The following VPS45 variants were observed in gnomAD, a reference collection of about 807,000 sequenced individuals.
VPS45 encodes vacuolar protein sorting-associated protein 45.
Under a neutral mutation model 75.9 loss-of-function variants are expected in VPS45, and 35 were observed. The observed-to-expected ratio is 0.46, with a 90% CI of 0.35 to 0.61. The LOEUF is 0.61. Ranked by LOEUF, VPS45 falls within the 20% of genes least tolerant of loss-of-function variation. The pLI, the probability that VPS45 is intolerant of heterozygous loss-of-function variation, is 0.00. For missense variants in VPS45, 559 were observed against 685.9 expected, an observed-to-expected ratio of 0.81 and a Z score of 2.07; for synonymous variants, 220 against 238.2, an observed-to-expected ratio of 0.92 and a Z score of 0.70.
At chr1:150,100,971 A>C (rs1306599933) in intron 13 of VPS45, among the ~76,000 whole-genome samples, 1 of 152,208 alleles carries the variant, frequency 6.6e-6, no homozygotes, top group Non-Finnish European at 1.5e-5. Context: ...TCTAATATCC[A>C]GCATCTATAA....
chr1:150,129,692 T>TG (rs1326241823), intron 14 of VPS45, among the ~76,000 whole-genome samples: 1 of 151,808 alleles, frequency 6.6e-6, no homozygotes, highest in African/African-American at 2.4e-5. Flanking sequence ...CCCGAGTAGC[T>TG]GGGACTACAC....
chr1:150,126,656 A>C (rs1553810817), intron 14 of VPS45, among the ~76,000 whole-genome samples: 1 of 152,184 alleles, frequency 6.6e-6, no homozygotes, highest in East Asian at 1.9e-4. Flanking sequence ...TCTATGAGTT[A>C]TAGCTCAATA....
At chr1:150,071,070 A>G (rs1655043710) in intron 2 of VPS45, among the ~76,000 whole-genome samples, 1 of 152,134 alleles carries the variant, frequency 6.6e-6, no homozygotes, top group African/African-American at 2.4e-5. Context: ...AATCTAAATT[A>G]CAATTTTTAA....
chr1:150,082,549 C>T (rs1655776833), intron 9 of VPS45, among the ~76,000 whole-genome samples, 167 bp from the exon 10 acceptor site: 1 of 150,582 alleles, frequency 6.6e-6, no homozygotes, highest in Admixed American at 6.6e-5. Flanking sequence ...CCAACATATA[C>T]CAGTTCTTCT....
In VPS45 at chr1:150,082,915, G is replaced by A. The variant is rs782764166; in HGVS notation, c.1104+32G>A. ...CCAATTTGATGAGCACCTACTATGT[G>A]TAAGGCACTGTGCCAGGCAGAGCAA... On this transcript the variant is annotated intron_variant, in intron 10 of 14. Transcript: ENST00000644510. 3.1e-6 allele frequency: 5 copies of A among 1,595,590 alleles called. No homozygotes were observed. The African/African-American group carries it at 4.0e-5, about 13-fold the overall frequency.
chr1:150,138,291 G>A lies in VPS45; in HGVS notation c.1626-6418G>A, dbSNP rs1431170323. Among the ~76,000 whole-genome samples, 14 of 152,084 alleles carry A rather than the reference G, an allele frequency of 9.2e-5. No individual in the cohort carries two copies. In the East Asian group the frequency reaches 1.2e-3, roughly 13 times the overall value. ...TTTTTTAAAAAAAAATAGAGATGAG[G>A]TATTGCTATGTTGCGCAGGCTGGTC... is the stretch of plus-strand genomic sequence containing the variant. On this transcript the variant is annotated intron_variant, in intron 14 of 14. Transcript: ENST00000644510.
At chr1:150,126,270 G>T (rs1553810698) in intron 14 of VPS45, among the ~76,000 whole-genome samples, 1 of 151,928 alleles carries the variant, frequency 6.6e-6, no homozygotes, top group Non-Finnish European at 1.5e-5. Context: ...GAGTGCAGTG[G>T]TGCCATCTCG....
chr1:150,115,624 A>G (rs1657890231), intron 14 of VPS45, among the ~76,000 whole-genome samples: 1 of 152,216 alleles, frequency 6.6e-6, no homozygotes. Flanking sequence ...CATTCAAGAT[A>G]CATCTCTCTT....
At chr1:150,095,265 T>C (rs781829069) in intron 13 of VPS45, among the ~76,000 whole-genome samples, 4 of 152,262 alleles carry the variant, frequency 2.6e-5, no homozygotes, top group African/African-American at 9.6e-5. Flanking sequence ...AGGACTACTT[T>C]AGATGGAGAG....
Position 150,085,748 on chromosome 1 carries a change from TG to T in VPS45, c.1104+2866del, listed in dbSNP as rs587715636. ...AGTATCATGACAAGAAAAAAAAGCATGTATTGCTAAAAGTTAACTTAAAAAT... is the reference window on the plus strand; with the variant it reads ...AGTATCATGACAAGAAAAAAAAGCATTATTGCTAAAAGTTAACTTAAAAAT... On this transcript the variant is annotated intron_variant, in intron 10 of 14. Coordinates refer to ENST00000644510, the MANE Select transcript of VPS45 (RefSeq NM_007259.5). 4.3e-3 allele frequency among the ~76,000 whole-genome samples: 656 copies of T among 152,166 alleles called. 2 individuals carry two copies. The highest frequency in any genetic ancestry group is 0.034 in the Middle Eastern group (10 of 294).
intron 14 of VPS45, among the ~76,000 whole-genome samples, chr1:150,141,345 C>A (rs1475393210): frequency 8.5e-5 from 13 of 152,084 alleles, no homozygotes; most frequent in African/African-American, 3.1e-4. Context: ...GTAATTTTTA[C>A]CTGTGGAGTA....
intron 3 of VPS45, among the ~76,000 whole-genome samples, chr1:150,075,155 TTTACAG>T: frequency 6.7e-6 from 1 of 149,454 alleles, no homozygotes; most frequent in African/African-American, 2.4e-5. Flanking sequence ...TTTTTTTTTT[TTTACAG>T]TTTTTTAAAA....
intron 3 of VPS45, 127 bp downstream of exon 3, chr1:150,072,353 C>T (rs1326426490): frequency 1.1e-4 from 75 of 668,232 alleles, no homozygotes; most frequent in Admixed American, 3.0e-4. Flanking sequence ...ATTTAATGTC[C>T]TTCCAAAGTA....
intron 14 of VPS45, among the ~76,000 whole-genome samples, chr1:150,142,475 C>T (rs587698230): frequency 1.3e-5 from 2 of 152,308 alleles, no homozygotes; most frequent in Admixed American, 1.3e-4. Context: ...ACTCCTTTCC[C>T]TCTACTTTGC....
chr1:150,067,634 GCAGCGGCCCA>G (rs1654790815), upstream of VPS45: 1 of 511,892 alleles, frequency 2.0e-6, no homozygotes, highest in Non-Finnish European at 3.5e-6. Flanking sequence ...CCCGCGCGTG[GCAGCGGCCCA>G]GGCCGTCTCA....
chr1:150,078,616 G>T (rs1655525635), intron 7 of VPS45, among the ~76,000 whole-genome samples: 1 of 151,644 alleles, frequency 6.6e-6, no homozygotes, highest in Non-Finnish European at 1.5e-5. Flanking sequence ...AAAAAAATTA[G>T]CCGGGTGTGG....
chr1:150,099,631 A>G (rs1656859383), intron 13 of VPS45, among the ~76,000 whole-genome samples: 2 of 152,066 alleles, frequency 1.3e-5, no homozygotes, highest in African/African-American at 4.8e-5. Flanking sequence ...CAGGAGATTG[A>G]GACCATCCTG....
intron 14 of VPS45, among the ~76,000 whole-genome samples, chr1:150,131,196 A>G (rs1379493346): frequency 6.6e-6 from 1 of 152,154 alleles, no homozygotes; most frequent in East Asian, 1.9e-4. Context: ...CCCTGAGGTT[A>G]GCTGCTGCTG....
rs1213899822 is a variant in VPS45, at chr1:150,075,141, T to TC, written c.290-1092_290-1091insC. ...CAGCGTTCAAATTTAAAATTGTCTT[T>TC]TTTTTTTTTTTTTTTTACAGTTTTT... is the stretch of plus-strand genomic sequence containing the variant. On this transcript the variant is annotated intron_variant, in intron 3 of 14. Transcript: ENST00000644510. 5.2e-4 allele frequency among the ~76,000 whole-genome samples: 77 copies of TC among 148,126 alleles called. 4 individuals carry two copies. Among genetic ancestry groups the TC allele is most frequent in the African/African-American group, 1.8e-3 (74 of 40,492 alleles).
Sources: allele counts gnomAD v4.1 joint callset (sites outside exome capture counted in the v4.1 genomes callset), GRCh38; gene constraint gnomAD v4.1.1; transcripts MANE v1.5; gene names NCBI Gene and HGNC (gene_info 2026-07-23, HGNC 2026-07-21).